Variants in CLEC20A observed in about 807,000 individuals in gnomAD.
CLEC20A encodes the protein C-type lectin domain containing 20A.
chr1:178,483,229 C>T (rs1649036781), exon 6 of CLEC20A: 1 of 398,514 alleles, frequency 2.5e-6, no homozygotes, highest in Non-Finnish European at 4.4e-6. Context: ...TGTTGGGCCT[C>T]CGTGGCAGCA....
At chr1:178,481,251 T>C (rs1648976953) in intron 7 of CLEC20A, 1 of 152,218 alleles carries the variant, frequency 6.6e-6, no homozygotes, top group Admixed American at 6.5e-5. Context: ...TCAGTAAAAT[T>C]TATAGTAAAC....
intron 4 of CLEC20A, among the ~76,000 whole-genome samples, chr1:178,489,511 A>G (rs1649226450): frequency 6.6e-6 from 1 of 152,182 alleles, no homozygotes; most frequent in African/African-American, 2.4e-5. Context: ...AAGGACGCCC[A>G]TCACACAGGA....
rs146013735 is a variant in CLEC20A at position 178,492,038 on chromosome 1, C to T, written c.463+463G>A. Among the ~76,000 whole-genome samples the T allele has an allele frequency of 3.7e-3, 556 of 152,248 alleles. 4 individuals are homozygous for T. The highest frequency in any genetic ancestry group is 0.021 in the East Asian group (107 of 5,174). On this transcript the variant is annotated intron_variant, in intron 3 of 7. Transcript: ENST00000623247. Reference sequence around the variant, plus strand: ...GTGGCTCATACCTGTAATCCCAGCACTTTGGGAGGCCCAGGCAGGTGGATC... The same window carrying T: ...GTGGCTCATACCTGTAATCCCAGCATTTTGGGAGGCCCAGGCAGGTGGATC...
rs930351581 is a variant in CLEC20A, at chr1:178,492,496, T to G, written c.463+5A>C. The G allele has an allele frequency of 1.5e-5, 6 of 398,302 alleles. No individual in the cohort carries two copies. The South Asian group carries it at 7.7e-4, about 51-fold the overall frequency. 24.7% of individuals were successfully genotyped at this position (398,302 alleles called of 1,614,324 possible). On this transcript the variant is annotated splice_donor_5th_base_variant and intron_variant, in intron 3 of 7. Transcript: ENST00000623247. ...CAGAAAAGGGAATGGGGAGCAGGTA[T>G]GTACCTGGCTTTGGAGAGGTGGTCA...
chr1:178,493,598 T>A (rs1471800747), intron 2 of CLEC20A: 1 of 152,358 alleles, frequency 6.6e-6, no homozygotes. Context: ...GGGGCTGCTG[T>A]TCTCCAACAG....
At chr1:178,490,925 C>G (rs562381339) in intron 3 of CLEC20A, among the ~76,000 whole-genome samples, 75 of 152,318 alleles carry the variant, frequency 4.9e-4, no homozygotes, top group African/African-American at 1.8e-3. Context: ...TGCCTGCCCC[C>G]ACTGGCTCTC....
chr1:178,484,805 C>A (rs148967049), intron 5 of CLEC20A: 1 of 152,250 alleles, frequency 6.6e-6, no homozygotes, highest in East Asian at 1.9e-4. Flanking sequence ...CTTCAGTTAA[C>A]GTCACTTGTG....
exon 8 of CLEC20A, chr1:178,479,448 T>C (rs932617633): frequency 2.5e-6 from 1 of 395,254 alleles, no homozygotes; most frequent in Non-Finnish European, 4.5e-6. Context: ...CTTCCTAATC[T>C]TGTTCTACTA....
chr1:178,499,086 A>C (rs1472790551), upstream of CLEC20A, among the ~76,000 whole-genome samples: 3 of 152,044 alleles, frequency 2.0e-5, no homozygotes, highest in Non-Finnish European at 4.4e-5. Flanking sequence ...GTCTCCCTCA[A>C]GTCTTTCCAG....
chr1:178,491,331 G>C (rs967085428), intron 3 of CLEC20A, among the ~76,000 whole-genome samples: 9 of 152,276 alleles, frequency 5.9e-5, no homozygotes, highest in Middle Eastern at 3.4e-3. Context: ...TTGCTGAGTC[G>C]GGAGTCACAT....
chr1:178,488,136 C>T (rs562633799), intron 5 of CLEC20A, among the ~76,000 whole-genome samples: 1 of 152,218 alleles, frequency 6.6e-6, no homozygotes, highest in Non-Finnish European at 1.5e-5. Flanking sequence ...GATTCTTCCT[C>T]AGGAACACTG....
At chr1:178,493,909 A>T (rs558112578) in intron 2 of CLEC20A, 1 of 152,308 alleles carries the variant, frequency 6.6e-6, no homozygotes, top group East Asian at 1.9e-4. Context: ...GAAATTTCCA[A>T]ATTTTATTTG....
chr1:178,495,695 G>GGAAT (rs1194796687), intron 1 of CLEC20A, among the ~76,000 whole-genome samples: 5 of 152,118 alleles, frequency 3.3e-5, no homozygotes, highest in Non-Finnish European at 1.5e-5. Context: ...AAGGAAGGAA[G>GGAAT]GAAGGGAGGG....
chr1:178,491,650 C>A lies in CLEC20A; in HGVS notation c.463+851G>T, dbSNP rs74441626. 2.7e-3 allele frequency among the ~76,000 whole-genome samples: 405 copies of A among 152,312 alleles called. 2 individuals carry two copies. The highest frequency in any genetic ancestry group is 4.6e-3 in the Non-Finnish European group (310 of 68,030). On this transcript the variant is annotated intron_variant, in intron 3 of 7. Coordinates refer to ENST00000623247, the Ensembl canonical transcript of CLEC20A. ...TAGAGATTCGAACATGGGAAGCCCA[C>A]GCCATCTTCACTCTACAACTCTGTA... is the stretch of plus-strand genomic sequence containing the variant.
exon 4 of CLEC20A, chr1:178,490,178 C>T (rs553481630): frequency 1.4e-4 from 57 of 398,808 alleles, no homozygotes; most frequent in African/African-American, 1.0e-3. Context: ...TCACCATCAT[C>T]GGCACCTGCA....
intron 4 of CLEC20A, among the ~76,000 whole-genome samples, chr1:178,489,273 G>A (rs1301889235): frequency 6.6e-6 from 1 of 152,094 alleles, no homozygotes; most frequent in African/African-American, 2.4e-5. Flanking sequence ...TGAAGCGTGA[G>A]AATTGCTTGA....
intron 5 of CLEC20A, 99 bp downstream of exon 5, chr1:178,488,402 C>T: frequency 2.5e-6 from 1 of 397,920 alleles, no homozygotes. Flanking sequence ...TAGGCATACA[C>T]TGGCCCTTCT....
intron 5 of CLEC20A, chr1:178,486,535 C>A: frequency 2.5e-6 from 1 of 398,792 alleles, no homozygotes; most frequent in Non-Finnish European, 4.4e-6. Flanking sequence ...CACGGCTGGG[C>A]TCCCTAAGCC....
At position 178,486,628 on chromosome 1, in the gene CLEC20A, C is replaced by G. The variant is rs61732329; in HGVS notation, c.928+1873G>C. 769 of 398,632 alleles carry G rather than the reference C, an allele frequency of 1.9e-3. 3 individuals carry two copies. The highest frequency in any genetic ancestry group is 0.013 in the African/African-American group (652 of 48,720). The allele number at this position is 398,632 out of a possible 1,614,324, so 24.7% of individuals were successfully genotyped here. A position where few individuals can be genotyped will look rare whatever the true frequency, so the allele number is the denominator to read the frequency against. On this transcript the variant is annotated intron_variant, in intron 5 of 7. Coordinates refer to ENST00000623247, the Ensembl canonical transcript of CLEC20A. ...GAGGCCCCGGCTGGATGTGGCAGAC[C>G]CAGGGGGTGCTGCTATCCTGGGAGT...
Sources: gnomAD v4.1 joint callset for allele counts (sites outside exome capture counted in the v4.1 genomes callset) on GRCh38, gnomAD v4.1.1 for gene constraint, MANE v1.5 for transcripts, NCBI Gene and HGNC (gene_info 2026-07-23, HGNC 2026-07-21) for gene names.